The following MATCAP2 variants were observed in gnomAD, a reference collection of about 807,000 sequenced individuals.
MATCAP2 encodes microtubule associated tyrosine carboxypeptidase 2.
the MATCAP2 span, among the ~76,000 whole-genome samples, chr7:36,379,126 A>G: frequency 6.6e-6 from 1 of 152,188 alleles, no homozygotes; most frequent in Non-Finnish European, 1.5e-5. Flanking sequence ...ACCAGTACCA[A>G]TGAGATGAAC....
At chr7:36,359,800 G>A in the MATCAP2 span, among the ~76,000 whole-genome samples, 1 of 152,196 alleles carries the variant, frequency 6.6e-6, no homozygotes, top group African/African-American at 2.4e-5. Context: ...AGCAGGCCAA[G>A]CAAACAGGCT....
chr7:36,326,988 C>A, the MATCAP2 span: 2 of 1,394,764 alleles, frequency 1.4e-6, no homozygotes, highest in Non-Finnish European at 2.0e-6. Context: ...GAATTTCTTC[C>A]CTGGGCCTTA....
chr7:36,361,255 C>T, the MATCAP2 span, among the ~76,000 whole-genome samples: 1 of 152,100 alleles, frequency 6.6e-6, no homozygotes, highest in Non-Finnish European at 1.5e-5. Flanking sequence ...TCGGTACCTC[C>T]CGTTCCCCAT....
the MATCAP2 span, among the ~76,000 whole-genome samples, chr7:36,343,107 T>C: frequency 6.6e-6 from 1 of 151,856 alleles, no homozygotes; most frequent in East Asian, 1.9e-4. Context: ...TAATTTAAAA[T>C]GGTCCAACCT....
the MATCAP2 span, among the ~76,000 whole-genome samples, chr7:36,375,039 C>A: frequency 6.6e-6 from 1 of 152,150 alleles, no homozygotes; most frequent in South Asian, 2.1e-4. Context: ...ATTTATAATC[C>A]TTTGGGTATA....
chr7:36,374,833 C>G, the MATCAP2 span, among the ~76,000 whole-genome samples: 27 of 152,318 alleles, frequency 1.8e-4, no homozygotes, highest in East Asian at 5.0e-3. Flanking sequence ...ATGATGGTTT[C>G]CAGCTTCATC....
the MATCAP2 span, among the ~76,000 whole-genome samples, chr7:36,346,847 G>A: frequency 8.5e-4 from 129 of 152,248 alleles, no homozygotes; most frequent in Non-Finnish European, 1.6e-3. Context: ...TGCAACCTCC[G>A]CCTCCCGGGT....
chr7:36,338,221 A>G, the MATCAP2 span, among the ~76,000 whole-genome samples: 1 of 152,152 alleles, frequency 6.6e-6, no homozygotes, highest in Non-Finnish European at 1.5e-5. Context: ...CTATAACATA[A>G]CCTGACCTTT....
At chr7:36,337,803 G>A in the MATCAP2 span, 1 of 152,170 alleles carries the variant, frequency 6.6e-6, no homozygotes, top group Admixed American at 6.5e-5. Flanking sequence ...TGTAAATGAG[G>A]ATAACAATAA....
chr7:36,338,224 T>A, the MATCAP2 span, among the ~76,000 whole-genome samples: 147,750 of 152,192 alleles, frequency 0.97, 71,880 homozygotes, highest in East Asian at 1. Flanking sequence ...TAACATAACC[T>A]GACCTTTCCC....
chr7:36,344,065 T>C, the MATCAP2 span, among the ~76,000 whole-genome samples: 2 of 152,168 alleles, frequency 1.3e-5, no homozygotes, highest in East Asian at 3.8e-4. Context: ...AAAATGCCAT[T>C]ATTTCTAGGT....
chr7:36,361,559 A>C, the MATCAP2 span, among the ~76,000 whole-genome samples: 2 of 152,332 alleles, frequency 1.3e-5, no homozygotes, highest in South Asian at 4.1e-4. Flanking sequence ...ATCCCCAAAC[A>C]AGATAAACTT....
At chr7:36,374,040 G>T in the MATCAP2 span, among the ~76,000 whole-genome samples, 1 of 152,042 alleles carries the variant, frequency 6.6e-6, no homozygotes, top group African/African-American at 2.4e-5. Flanking sequence ...CCAAAGTACT[G>T]GGATTACAGG....
the MATCAP2 span, among the ~76,000 whole-genome samples, chr7:36,366,114 T>G: frequency 6.6e-6 from 1 of 152,228 alleles, no homozygotes; most frequent in African/African-American, 2.4e-5. Context: ...CCGGCTTTAT[T>G]TTGGCACTAG....
At chr7:36,389,888 G>C in the MATCAP2 span, 3 of 1,486,970 alleles carry the variant, frequency 2.0e-6, no homozygotes, top group Admixed American at 3.5e-5. Context: ...GCCGAGAGGA[G>C]AGGACAGCTG....
the MATCAP2 span, among the ~76,000 whole-genome samples, chr7:36,348,409 TG>T: frequency 6.6e-6 from 1 of 152,244 alleles, no homozygotes; most frequent in Non-Finnish European, 1.5e-5. Flanking sequence ...ATAAGACATC[TG>T]GAAGAGGCAA....
the MATCAP2 span, among the ~76,000 whole-genome samples, chr7:36,385,068 A>G: frequency 6.6e-6 from 1 of 152,204 alleles, no homozygotes; most frequent in Non-Finnish European, 1.5e-5. Context: ...CCCTCTCTAT[A>G]AATAAATTAC....
chr7:36,339,003 G>A, the MATCAP2 span, among the ~76,000 whole-genome samples: 17 of 152,282 alleles, frequency 1.1e-4, no homozygotes, highest in African/African-American at 4.1e-4. Flanking sequence ...TATTGATTGA[G>A]ACATAAGATG....
the MATCAP2 span, chr7:36,335,226 G>GT: frequency 6.4e-7 from 1 of 1,567,640 alleles, no homozygotes; most frequent in Non-Finnish European, 8.8e-7. Context: ...AAACATAAAG[G>GT]TAAGGGGAGA....
Sources: allele counts gnomAD v4.1 joint callset (sites outside exome capture counted in the v4.1 genomes callset), GRCh38; gene constraint gnomAD v4.1.1; transcripts MANE v1.5; gene names NCBI Gene and HGNC (gene_info 2026-07-23, HGNC 2026-07-21).